Variants in ANTXR1 observed in about 807,000 individuals in gnomAD.
ANTXR1 encodes the protein anthrax toxin receptor 1.
Under a neutral mutation model 78.1 loss-of-function variants are expected in ANTXR1, and 19 were observed. That is an observed-to-expected ratio of 0.24 (90% CI 0.17 to 0.36). ANTXR1 has a LOEUF of 0.36. ANTXR1 is among the 10% of genes least tolerant of loss of function. ANTXR1 has a pLI of 1.00. For missense variants in ANTXR1, 518 were observed against 718.6 expected, an observed-to-expected ratio of 0.72 and a Z score of 3.19; for synonymous variants, 273 against 260.5, an observed-to-expected ratio of 1.05 and a Z score of -0.46.
intron 17 of ANTXR1, among the ~76,000 whole-genome samples, chr2:69,238,567 G>A (rs1171080840): frequency 1.3e-5 from 2 of 152,194 alleles, no homozygotes; most frequent in Admixed American, 1.3e-4. Flanking sequence ...CCTTCAATAT[G>A]TCGATGAGGT....
chr2:69,028,906 G>C (rs1427636798), intron 1 of ANTXR1, among the ~76,000 whole-genome samples: 1 of 152,048 alleles, frequency 6.6e-6, no homozygotes, highest in Non-Finnish European at 1.5e-5. Flanking sequence ...AAGCTGAAAG[G>C]ATGCAGAGAT....
chr2:69,054,316 G>A (rs750694196), intron 3 of ANTXR1, among the ~76,000 whole-genome samples: 7 of 152,006 alleles, frequency 4.6e-5, no homozygotes, highest in Non-Finnish European at 7.4e-5. Flanking sequence ...TTACTATTAC[G>A]TACAGTTTTA....
At chr2:69,047,232 CT>C (rs770019876) in intron 3 of ANTXR1, among the ~76,000 whole-genome samples, 7 of 152,072 alleles carry the variant, frequency 4.6e-5, no homozygotes, top group Non-Finnish European at 1.0e-4. Flanking sequence ...GCATTCAGTT[CT>C]TGGGATCAAA....
intron 10 of ANTXR1, among the ~76,000 whole-genome samples, chr2:69,113,505 C>A (rs367857715): frequency 2.7e-4 from 41 of 152,330 alleles, no homozygotes; most frequent in African/African-American, 9.1e-4. Flanking sequence ...CTCTGTCCCC[C>A]ATGCCATTCA....
At chr2:69,243,607 A>C (rs1377047501) in intron 17 of ANTXR1, among the ~76,000 whole-genome samples, 1 of 151,898 alleles carries the variant, frequency 6.6e-6, no homozygotes, top group Admixed American at 6.6e-5. Flanking sequence ...CTAATAGCAC[A>C]CTCTCATTTT....
intron 13 of ANTXR1, 122 bp from the exon 14 acceptor site, chr2:69,170,126 C>T (rs937039126): frequency 2.8e-5 from 30 of 1,063,634 alleles, no homozygotes; most frequent in Non-Finnish European, 3.7e-5. Context: ...TTAAGCCCGA[C>T]TTGCTGGGGC....
At chr2:69,034,770 A>C (rs540349418) in intron 1 of ANTXR1, among the ~76,000 whole-genome samples, 99 of 152,288 alleles carry the variant, frequency 6.5e-4, no homozygotes, top group African/African-American at 2.3e-3. Context: ...GGTGATAATG[A>C]GTGGGTGGGC....
At chr2:69,115,880 T>C (rs1672128100) in intron 10 of ANTXR1, among the ~76,000 whole-genome samples, 1 of 152,208 alleles carries the variant, frequency 6.6e-6, no homozygotes, top group South Asian at 2.1e-4. Flanking sequence ...GTGGCCAGCT[T>C]GGTTCTGCCA....
intron 13 of ANTXR1, among the ~76,000 whole-genome samples, chr2:69,153,255 T>C (rs1673443830): frequency 6.6e-6 from 1 of 152,130 alleles, no homozygotes; most frequent in Admixed American, 6.5e-5. Flanking sequence ...CTTCAGCATT[T>C]AGCACACAGT....
intron 17 of ANTXR1, among the ~76,000 whole-genome samples, chr2:69,204,754 C>G (rs1200553760): frequency 2.0e-5 from 3 of 152,198 alleles, no homozygotes; most frequent in East Asian, 3.9e-4. Context: ...CCAATCCCTT[C>G]CCTTCCTGTC....
chr2:69,098,151 C>T (rs1223057278), intron 9 of ANTXR1, among the ~76,000 whole-genome samples: 5 of 152,156 alleles, frequency 3.3e-5, no homozygotes, highest in Non-Finnish European at 5.9e-5. Context: ...GTGACAGCTA[C>T]GCTCACTGTC....
intron 13 of ANTXR1, among the ~76,000 whole-genome samples, chr2:69,156,638 G>A (rs1673532602): frequency 6.6e-6 from 1 of 152,258 alleles, no homozygotes; most frequent in Admixed American, 6.5e-5. Flanking sequence ...TGGCAGAGGG[G>A]GAGCGAGGCA....
At chr2:69,152,377 AT>A in intron 13 of ANTXR1, 113 bp downstream of exon 13, 4 of 1,086,820 alleles carry the variant, frequency 3.7e-6, no homozygotes, top group Non-Finnish European at 5.6e-6. Context: ...CAAATCTTGC[AT>A]TTTTTATACA....
chr2:69,203,821 C>T (rs1474271098), intron 17 of ANTXR1, among the ~76,000 whole-genome samples: 1 of 152,150 alleles, frequency 6.6e-6, no homozygotes, highest in Non-Finnish European at 1.5e-5. Context: ...CTTTCAACTT[C>T]AGATTGTCTC....
intron 2 of ANTXR1, among the ~76,000 whole-genome samples, chr2:69,041,316 G>C (rs1558739083): frequency 6.6e-6 from 1 of 152,194 alleles, no homozygotes; most frequent in East Asian, 1.9e-4. Flanking sequence ...CTGCCTTTGA[G>C]GCAAAAGTCC....
intron 12 of ANTXR1, among the ~76,000 whole-genome samples, chr2:69,138,839 T>C (rs1015908056): frequency 3.3e-5 from 5 of 152,172 alleles, no homozygotes; most frequent in African/African-American, 9.7e-5. Flanking sequence ...AGGAAAACTG[T>C]TTCATTTGCA....
intron 14 of ANTXR1, among the ~76,000 whole-genome samples, chr2:69,178,889 C>T (rs1349675604): frequency 6.6e-6 from 1 of 152,176 alleles, no homozygotes; most frequent in Non-Finnish European, 1.5e-5. Context: ...TTAAGAGGCT[C>T]ATGAACCTAG....
At chr2:69,071,605 ACTGAT>A in intron 4 of ANTXR1, 144 bp from the exon 5 acceptor site, 1 of 763,966 alleles carries the variant, frequency 1.3e-6, no homozygotes, top group Non-Finnish European at 2.3e-6. Context: ...GATATCAGCC[ACTGAT>A]AATTGAGCAA....
chr2:69,172,313 G>C (rs1251142733), intron 14 of ANTXR1: 1 of 1,461,958 alleles, frequency 6.8e-7, no homozygotes, highest in African/African-American at 1.4e-5. Context: ...CTTAGCGTGT[G>C]TGTTGGCCCT....
Sources: allele counts gnomAD v4.1 joint callset (sites outside exome capture counted in the v4.1 genomes callset), GRCh38; gene constraint gnomAD v4.1.1; transcripts MANE v1.5; gene names NCBI Gene and HGNC (gene_info 2026-07-23, HGNC 2026-07-21).